Variants in DTNB observed in about 807,000 individuals in gnomAD.
DTNB encodes DTN-B.
In DTNB, 63 loss-of-function variants were observed where a neutral mutation model predicts 90.7. The ratio of observed to expected loss-of-function variants is 0.69; its 90% confidence interval spans 0.57 to 0.86. The LOEUF (loss-of-function observed/expected upper bound fraction) is 0.86, where lower values mean the gene tolerates loss of function less well. Among genes scored for constraint, DTNB ranks in the 40% least tolerant of loss-of-function variants. The probability of loss-of-function intolerance (pLI) is 0.00; values close to 1 mark genes in which losing one functional copy is unlikely to be tolerated. For synonymous variants in DTNB, 277 were observed against 286.7 expected (o/e 0.97, Z 0.34); for missense variants, 744 against 807.1 (o/e 0.92, Z 0.95).
At chr2:25,406,203 G>A (rs1256229343) in intron 16 of DTNB, among the ~76,000 whole-genome samples, 3 of 152,116 alleles carry the variant, frequency 2.0e-5, no homozygotes, top group Non-Finnish European at 4.4e-5. Context: ...TGTATCACAG[G>A]GAAAGGTTCT....
intron 2 of DTNB, among the ~76,000 whole-genome samples, chr2:25,648,217 TA>T (rs1303931367): frequency 3.3e-5 from 5 of 152,226 alleles, no homozygotes; most frequent in Non-Finnish European, 5.9e-5. Flanking sequence ...GTAAGAATCA[TA>T]AACTACCCAT....
chr2:25,640,050 G>A (rs750191091), intron 2 of DTNB, among the ~76,000 whole-genome samples: 4 of 152,228 alleles, frequency 2.6e-5, no homozygotes, highest in African/African-American at 4.8e-5. Flanking sequence ...TGTCAGCACT[G>A]AACGCTGTTC....
chr2:25,577,741 G>A (rs779400814), intron 7 of DTNB, among the ~76,000 whole-genome samples: 3 of 151,884 alleles, frequency 2.0e-5, no homozygotes, highest in Non-Finnish European at 4.4e-5. Flanking sequence ...GGTGGCTCAC[G>A]CCTGTAATCC....
chr2:25,406,028 G>A (rs6756177), intron 16 of DTNB, among the ~76,000 whole-genome samples: 57,906 of 151,998 alleles, frequency 0.38, 11,874 homozygotes, highest in East Asian at 0.6. Flanking sequence ...GCAACTGAGA[G>A]GGAAGAGCAG....
chr2:25,421,738 T>C (rs1446044070), intron 15 of DTNB, among the ~76,000 whole-genome samples: 1 of 152,200 alleles, frequency 6.6e-6, no homozygotes, highest in Non-Finnish European at 1.5e-5. Context: ...ACTTCCACAG[T>C]TTTCTCCAGG....
chr2:25,533,469 C>T (rs1374976792), intron 8 of DTNB, among the ~76,000 whole-genome samples: 5 of 152,206 alleles, frequency 3.3e-5, no homozygotes, highest in African/African-American at 4.8e-5. Context: ...CGTGATGTGA[C>T]GCTGATTCTT....
chr2:25,572,779 T>C lies in DTNB; in HGVS notation c.876+4059A>G, dbSNP rs1243964929. 4.6e-5 allele frequency among the ~76,000 whole-genome samples: 7 copies of C among 152,302 alleles called. No individual in the cohort carries two copies. In the East Asian group the frequency reaches 1.3e-3, roughly 29 times the overall value. On this transcript the variant is annotated intron_variant, in intron 8 of 20. Coordinates refer to ENST00000406818, the MANE Select transcript of DTNB (RefSeq NM_021907.5). ...GAAACTTAGTAGGCCTTTGATCTAT[T>C]TGTTTCCAGTTGATTCCATGTGCCA...
chr2:25,596,208 A>C lies in DTNB; in HGVS notation c.481T>G (p.Leu161Val). The change falls in exon 6 of 21, where the codon TTA becomes GTA. Residue 161 changes from leucine to valine, a missense_variant. Leu to Val is a conservative substitution (Grantham distance 32, BLOSUM62 1). Transcript: ENST00000406818. ...TGGTCAAACTTGCTAAATATCATTA[A>C]GCCATTGGAATCTGACATCTGGGAG... The part of the protein sequence containing the change: ...VFSQMSDSNG[L>V]MIFSKFDQFL... 6.2e-7 allele frequency: 1 copy of C among 1,611,814 alleles called. No homozygotes were observed. Among genetic ancestry groups the C allele is most frequent in the Non-Finnish European group, 8.5e-7 (1 of 1,179,066 alleles).
chr2:25,636,031 A>G (rs921168767), intron 3 of DTNB, among the ~76,000 whole-genome samples: 1 of 152,206 alleles, frequency 6.6e-6, no homozygotes, highest in East Asian at 1.9e-4. Flanking sequence ...TTCATATTCA[A>G]TGAATGAATA....
chr2:25,440,314 T>G (rs1296945053), intron 12 of DTNB, among the ~76,000 whole-genome samples: 3 of 152,240 alleles, frequency 2.0e-5, no homozygotes, highest in Non-Finnish European at 4.4e-5. Flanking sequence ...GGGTTTCTAT[T>G]TCTAGGAAAA....
At chr2:25,658,054 C>A (rs973977290) in intron 1 of DTNB, among the ~76,000 whole-genome samples, 1 of 151,940 alleles carries the variant, frequency 6.6e-6, no homozygotes, top group Non-Finnish European at 1.5e-5. Flanking sequence ...GTCAGGAGTT[C>A]GAGACCAGCC....
At chr2:25,544,876 T>G (rs919648705) in intron 8 of DTNB, among the ~76,000 whole-genome samples, 3 of 152,244 alleles carry the variant, frequency 2.0e-5, no homozygotes, top group African/African-American at 7.2e-5. Context: ...TATTTTTTGC[T>G]CAAAGTATAT....
intron 10 of DTNB, among the ~76,000 whole-genome samples, chr2:25,476,587 A>G (rs2063796220): frequency 6.6e-6 from 1 of 152,204 alleles, no homozygotes; most frequent in Non-Finnish European, 1.5e-5. Context: ...TCCAACCCTC[A>G]TGGAATTCTA....
At chr2:25,463,316 C>A (rs2061297799) in intron 10 of DTNB, among the ~76,000 whole-genome samples, 1 of 152,208 alleles carries the variant, frequency 6.6e-6, no homozygotes, top group Non-Finnish European at 1.5e-5. Flanking sequence ...ATCCAATCCA[C>A]TGCAAGTCCT....
chr2:25,409,516 A>T (rs943318382), intron 16 of DTNB, among the ~76,000 whole-genome samples: 1 of 152,234 alleles, frequency 6.6e-6, no homozygotes, highest in Non-Finnish European at 1.5e-5. Context: ...TAAGATTTAC[A>T]TCTTTGTTCA....
At chr2:25,663,660 TGA>T (rs2149029314) in intron 1 of DTNB, among the ~76,000 whole-genome samples, 1 of 152,350 alleles carries the variant, frequency 6.6e-6, no homozygotes, top group Non-Finnish European at 1.5e-5. Flanking sequence ...ATTTTATTAT[TGA>T]AACAGAGTAT....
At chr2:25,600,141 T>A (rs993782788) in intron 5 of DTNB, among the ~76,000 whole-genome samples, 3 of 152,128 alleles carry the variant, frequency 2.0e-5, no homozygotes, top group Admixed American at 6.6e-5. Flanking sequence ...AGGAAAATAA[T>A]CGTTCATTGA....
chr2:25,472,178 C>A (rs187360419), intron 10 of DTNB, among the ~76,000 whole-genome samples: 1 of 152,290 alleles, frequency 6.6e-6, no homozygotes, highest in Admixed American at 6.5e-5. Flanking sequence ...AGAAAGGCAT[C>A]GAACACACAG....
chr2:25,630,690 C>T (rs563180994), intron 3 of DTNB, among the ~76,000 whole-genome samples: 2 of 151,496 alleles, frequency 1.3e-5, no homozygotes, highest in African/African-American at 4.8e-5. Context: ...ACTAAAAATA[C>T]AAAATTAGCC....
Sources: gnomAD v4.1 joint callset for allele counts (sites outside exome capture counted in the v4.1 genomes callset) on GRCh38, gnomAD v4.1.1 for gene constraint, MANE v1.5 for transcripts, NCBI Gene and HGNC (gene_info 2026-07-23, HGNC 2026-07-21) for gene names.